The following HPSE2 variants were observed in gnomAD, a reference collection of about 807,000 sequenced individuals.
HPSE2 encodes the protein inactive heparanase-2.
In HPSE2, 38 loss-of-function variants were observed where a neutral mutation model predicts 60.5. That is an observed-to-expected ratio of 0.63 (90% CI 0.48 to 0.82). The LOEUF is 0.82. Ranked by LOEUF, HPSE2 falls within the 40% of genes least tolerant of loss-of-function variation. The pLI is 0.00. For synonymous variants in HPSE2, 295 were observed against 293.2 expected, an observed-to-expected ratio of 1.01 and a Z score of -0.06; for missense variants, 713 against 740.4, an observed-to-expected ratio of 0.96 and a Z score of 0.43.
chr10:98,591,341 A>G (rs1945084525), intron 9 of HPSE2, among the ~76,000 whole-genome samples: 1 of 152,176 alleles, frequency 6.6e-6, no homozygotes, highest in Admixed American at 6.5e-5. Flanking sequence ...TCTTCTCACA[A>G]TTAATTGGCA....
intron 3 of HPSE2, among the ~76,000 whole-genome samples, chr10:98,966,140 T>C (rs1955809363): frequency 6.6e-6 from 1 of 152,114 alleles, no homozygotes; most frequent in South Asian, 2.1e-4. Flanking sequence ...ATCTGCCCAC[T>C]TCAGCCTCCC....
intron 3 of HPSE2, among the ~76,000 whole-genome samples, chr10:98,817,653 C>T (rs1242590256): frequency 6.6e-6 from 1 of 152,180 alleles, no homozygotes; most frequent in Non-Finnish European, 1.5e-5. Context: ...ACCTCTATGT[C>T]CTACACTTGC....
intron 6 of HPSE2, among the ~76,000 whole-genome samples, chr10:98,660,278 T>C (rs888538189): frequency 2.0e-5 from 3 of 152,226 alleles, no homozygotes; most frequent in Non-Finnish European, 2.9e-5. Flanking sequence ...TGCAGAATTA[T>C]ACAAATGCCT....
intron 9 of HPSE2, among the ~76,000 whole-genome samples, chr10:98,545,623 C>T (rs1287781930): frequency 1.3e-5 from 2 of 152,144 alleles, no homozygotes; most frequent in African/African-American, 4.8e-5. Flanking sequence ...GCTAAAAACG[C>T]TCAATAAATT....
chr10:98,585,288 T>G (rs1944908056), intron 9 of HPSE2, among the ~76,000 whole-genome samples: 2 of 151,788 alleles, frequency 1.3e-5, no homozygotes, highest in Non-Finnish European at 1.5e-5. Flanking sequence ...TTTTTTTTTT[T>G]TGAGATGGAA....
At position 98,536,167 on chromosome 10, in the gene HPSE2, C is replaced by A. The variant is rs148829414; in HGVS notation, c.1321-45971G>T. On this transcript the variant is annotated intron_variant, in intron 9 of 11. Transcript: ENST00000370552. The stretch of plus-strand genomic sequence containing the variant: ...TTTTAAGATGTATGGGCACTTTATA[C>A]CCATCAACCTCAGCTTTGGGGCTTC... Among the ~76,000 whole-genome samples, 782 of 152,306 alleles carry A rather than the reference C, an allele frequency of 5.1e-3. 2 individuals carry two copies. Among genetic ancestry groups the A allele is most frequent in the Non-Finnish European group, 7.1e-3 (480 of 68,022 alleles).
the HPSE2 span, among the ~76,000 whole-genome samples, chr10:99,277,012 G>A: frequency 6.6e-6 from 1 of 152,106 alleles, no homozygotes; most frequent in Non-Finnish European, 1.5e-5. Flanking sequence ...AAATTACCAG[G>A]TCAATTCTGA....
chr10:98,725,701 C>T, intron 4 of HPSE2, among the ~76,000 whole-genome samples: 1 of 152,078 alleles, frequency 6.6e-6, no homozygotes, highest in East Asian at 1.9e-4. Flanking sequence ...AGTGAACAGG[C>T]AACCTACAAA....
the HPSE2 span, among the ~76,000 whole-genome samples, chr10:99,300,904 A>G: frequency 6.6e-6 from 1 of 152,190 alleles, no homozygotes; most frequent in Non-Finnish European, 1.5e-5. Context: ...AAGTTCCCAA[A>G]GTATGGATTA....
chr10:99,074,319 A>AT (rs1289603222), intron 3 of HPSE2, among the ~76,000 whole-genome samples: 3 of 151,878 alleles, frequency 2.0e-5, no homozygotes, highest in Non-Finnish European at 4.4e-5. Flanking sequence ...TAATTATGAG[A>AT]TTTTTATTCT....
chr10:98,613,604 A>G (rs1171667081), intron 9 of HPSE2, among the ~76,000 whole-genome samples: 1 of 152,194 alleles, frequency 6.6e-6, no homozygotes, highest in African/African-American at 2.4e-5. Context: ...AGGCAGAGAG[A>G]GGCAAGTGGT....
chr10:98,972,887 T>G (rs1460989163), intron 3 of HPSE2, among the ~76,000 whole-genome samples: 1 of 152,150 alleles, frequency 6.6e-6, no homozygotes, highest in Non-Finnish European at 1.5e-5. Context: ...TTATAAGACA[T>G]GTATGGGGTG....
the HPSE2 span, among the ~76,000 whole-genome samples, chr10:99,286,369 C>T: frequency 6.6e-6 from 1 of 152,098 alleles, no homozygotes; most frequent in South Asian, 2.1e-4. Flanking sequence ...TATATGTACA[C>T]AATGGAATAG....
chr10:98,471,048 A>C (rs1005711958), intron 11 of HPSE2, among the ~76,000 whole-genome samples: 1 of 152,220 alleles, frequency 6.6e-6, no homozygotes, highest in Non-Finnish European at 1.5e-5. Flanking sequence ...AAAACAAAAC[A>C]AACAATAAAA....
At chr10:99,222,500 A>G (rs1401138614) in intron 2 of HPSE2, among the ~76,000 whole-genome samples, 1 of 152,236 alleles carries the variant, frequency 6.6e-6, no homozygotes, top group Non-Finnish European at 1.5e-5. Flanking sequence ...TGAAGGAAGA[A>G]TAAGTCAGAG....
chr10:98,659,822 T>G (rs534715424), intron 6 of HPSE2, among the ~76,000 whole-genome samples: 22 of 152,044 alleles, frequency 1.4e-4, no homozygotes, highest in Non-Finnish European at 2.9e-4. Context: ...ACAAAGACAA[T>G]CTGGGTTAGA....
chr10:99,004,276 T>C (rs1269180777), intron 3 of HPSE2, among the ~76,000 whole-genome samples: 1 of 151,284 alleles, frequency 6.6e-6, no homozygotes, highest in Non-Finnish European at 1.5e-5. Flanking sequence ...GGCTTATCAC[T>C]GTTATTTTGT....
At chr10:98,745,255 A>G (rs1421671285) in intron 3 of HPSE2, among the ~76,000 whole-genome samples, 1 of 152,192 alleles carries the variant, frequency 6.6e-6, no homozygotes, top group East Asian at 1.9e-4. Flanking sequence ...GGTTGATACC[A>G]GATACCATCA....
intron 3 of HPSE2, among the ~76,000 whole-genome samples, chr10:98,952,326 GT>G (rs1955385715): frequency 1.6e-5 from 2 of 122,898 alleles, no homozygotes; most frequent in Non-Finnish European, 4.0e-5. Context: ...GTGTGTGTGT[GT>G]GTGTGTGTGT....
Sources: allele counts gnomAD v4.1 joint callset (sites outside exome capture counted in the v4.1 genomes callset), GRCh38; gene constraint gnomAD v4.1.1; transcripts MANE v1.5; gene names NCBI Gene and HGNC (gene_info 2026-07-23, HGNC 2026-07-21).